Variants in CNTNAP4 observed in about 807,000 individuals in gnomAD.
CNTNAP4 encodes the protein contactin associated protein family member 4.
Under a neutral mutation model 148.4 loss-of-function variants are expected in CNTNAP4, and 98 were observed. That is an observed-to-expected ratio of 0.66 (90% CI 0.56 to 0.78). The LOEUF (loss-of-function observed/expected upper bound fraction) is 0.78. CNTNAP4 is among the 30% of genes least tolerant of loss of function. The pLI, the probability that CNTNAP4 is intolerant of heterozygous loss-of-function variation, is 0.00. For synonymous variants in CNTNAP4, 730 were observed against 565.1 expected (o/e 1.29, Z -4.14); for missense variants, 1,935 against 1,565.6 (o/e 1.24, Z -3.98).
At chr16:76,405,095 T>G (rs757084505) in intron 3 of CNTNAP4, among the ~76,000 whole-genome samples, 1 of 152,208 alleles carries the variant, frequency 6.6e-6, no homozygotes, top group Non-Finnish European at 1.5e-5. Flanking sequence ...TTTAATTTCT[T>G]GAACTCTGAA....
chr16:76,332,080 G>C (rs760171112), intron 2 of CNTNAP4, among the ~76,000 whole-genome samples: 1 of 152,182 alleles, frequency 6.6e-6, no homozygotes, highest in African/African-American at 2.4e-5. Flanking sequence ...CTGCTGTTGA[G>C]GACCCTTTAT....
At chr16:76,450,816 A>G (rs927011668) in intron 7 of CNTNAP4, among the ~76,000 whole-genome samples, 1 of 152,226 alleles carries the variant, frequency 6.6e-6, no homozygotes, top group African/African-American at 2.4e-5. Context: ...AGCAGCACCA[A>G]TGCTAGGTAT....
At chr16:76,295,790 A>G (rs543799388) in intron 1 of CNTNAP4, among the ~76,000 whole-genome samples, 1 of 152,130 alleles carries the variant, frequency 6.6e-6, no homozygotes, top group South Asian at 2.1e-4. Flanking sequence ...TGCTTTTTGT[A>G]TGTAGCTACT....
intron 11 of CNTNAP4, among the ~76,000 whole-genome samples, chr16:76,478,469 G>T (rs1296466199): frequency 6.6e-6 from 1 of 152,138 alleles, no homozygotes; most frequent in Admixed American, 6.5e-5. Context: ...TGAAATTTTG[G>T]TAACATTGAA....
chr16:76,311,971 C>T (rs905049913), intron 1 of CNTNAP4, among the ~76,000 whole-genome samples: 1 of 152,296 alleles, frequency 6.6e-6, no homozygotes, highest in Admixed American at 6.5e-5. Context: ...AAGCCCCCTA[C>T]TTAAATGCCT....
chr16:76,446,446 A>G (rs1227107759), intron 4 of CNTNAP4, among the ~76,000 whole-genome samples: 6 of 152,198 alleles, frequency 3.9e-5, no homozygotes, highest in Non-Finnish European at 8.8e-5. Flanking sequence ...AAGTGTTATG[A>G]GTTCTTTTTA....
chr16:76,414,339 A>G (rs1188503808), intron 3 of CNTNAP4, among the ~76,000 whole-genome samples: 1 of 151,442 alleles, frequency 6.6e-6, no homozygotes. Context: ...TGACTTTTAA[A>G]TATTAAGCAA....
At chr16:76,522,610 TTTCCTTCC>T (rs764499941) in intron 17 of CNTNAP4, among the ~76,000 whole-genome samples, 8 of 59,654 alleles carry the variant, frequency 1.3e-4, no homozygotes, top group South Asian at 4.9e-4. Flanking sequence ...CTTTTCTTTA[TTTCCTTCC>T]TTCCTTCCTT....
rs1215053519 is a variant in CNTNAP4 at position 76,513,214 on chromosome 16, G to C, written c.2366-7926G>C. On this transcript the variant is annotated intron_variant, in intron 15 of 23. Coordinates refer to ENST00000611870, the MANE Select transcript of CNTNAP4 (RefSeq NM_033401.5). ...AGGTGATGTTGCAGGAAGGTGAACAGGTGTGGTGGTGGGTGCTTAGAGGAG... is the reference window on the plus strand; with the variant it reads ...AGGTGATGTTGCAGGAAGGTGAACACGTGTGGTGGTGGGTGCTTAGAGGAG... Among the ~76,000 whole-genome samples, 6 of 152,282 alleles carry C rather than the reference G, an allele frequency of 3.9e-5. No individual in the cohort carries two copies. In the East Asian group the frequency reaches 7.7e-4, roughly 20 times the overall value.
chr16:76,454,445 T>C (rs1340223217), intron 8 of CNTNAP4, among the ~76,000 whole-genome samples: 1 of 152,244 alleles, frequency 6.6e-6, no homozygotes, highest in Non-Finnish European at 1.5e-5. Flanking sequence ...TTTAAATTCA[T>C]GTATAATATA....
At chr16:76,374,211 T>A (rs2015174324) in intron 3 of CNTNAP4, among the ~76,000 whole-genome samples, 1 of 152,142 alleles carries the variant, frequency 6.6e-6, no homozygotes, top group Non-Finnish European at 1.5e-5. Context: ...TGAAAAGACA[T>A]CCTCAGGGGG....
At chr16:76,332,471 C>T (rs1323463850) in intron 2 of CNTNAP4, among the ~76,000 whole-genome samples, 2 of 152,086 alleles carry the variant, frequency 1.3e-5, no homozygotes, top group Non-Finnish European at 2.9e-5. Context: ...GCCATGTTGC[C>T]TAGGCTGGTC....
intron 2 of CNTNAP4, among the ~76,000 whole-genome samples, chr16:76,327,948 G>T (rs1235696416): frequency 6.6e-6 from 1 of 152,144 alleles, no homozygotes; most frequent in East Asian, 1.9e-4. Context: ...TGCCACATCT[G>T]TCCTGTGGGG....
intron 17 of CNTNAP4, among the ~76,000 whole-genome samples, chr16:76,524,520 G>C (rs941165593): frequency 1.3e-5 from 2 of 152,194 alleles, no homozygotes; most frequent in African/African-American, 4.8e-5. Flanking sequence ...ATGAATTTCA[G>C]CTTCATGAGA....
At chr16:76,499,117 G>T (rs973933641) in intron 15 of CNTNAP4, among the ~76,000 whole-genome samples, 4 of 146,886 alleles carry the variant, frequency 2.7e-5, no homozygotes, top group African/African-American at 1.0e-4. Flanking sequence ...GCTCAGGCTG[G>T]AGTGCAGTGG....
chr16:76,523,098 T>C (rs2083557617), intron 17 of CNTNAP4, among the ~76,000 whole-genome samples: 1 of 151,978 alleles, frequency 6.6e-6, no homozygotes, highest in African/African-American at 2.4e-5. Flanking sequence ...GGTTACATGA[T>C]TGGTTTCAGC....
intron 12 of CNTNAP4, among the ~76,000 whole-genome samples, chr16:76,488,442 G>C (rs1055432850): frequency 6.6e-6 from 1 of 152,168 alleles, no homozygotes; most frequent in Non-Finnish European, 1.5e-5. Flanking sequence ...ATAATTCTGT[G>C]AAGTTGGTCC....
intron 2 of CNTNAP4, among the ~76,000 whole-genome samples, chr16:76,350,418 G>A (rs962323154): frequency 5.3e-5 from 8 of 151,938 alleles, no homozygotes; most frequent in African/African-American, 1.5e-4. Flanking sequence ...TTAATACAAC[G>A]TATACAATTT....
chr16:76,444,229 A>G (rs2080154197), intron 4 of CNTNAP4, among the ~76,000 whole-genome samples: 1 of 152,132 alleles, frequency 6.6e-6, no homozygotes, highest in Non-Finnish European at 1.5e-5. Context: ...AGACAGAAGC[A>G]ATTTGCATCT....
Sources: gnomAD v4.1 joint callset for allele counts (sites outside exome capture counted in the v4.1 genomes callset) on GRCh38, gnomAD v4.1.1 for gene constraint, MANE v1.5 for transcripts, NCBI Gene and HGNC (gene_info 2026-07-23, HGNC 2026-07-21) for gene names.